The following ACAD10 variants were observed in gnomAD, a reference collection of about 807,000 sequenced individuals.
ACAD10 encodes acyl-CoA dehydrogenase family member 10, also known as ACAD-10.
A neutral mutation model predicts 116.8 loss-of-function variants in ACAD10; 112 were observed. That is an observed-to-expected ratio of 0.96 (90% CI 0.82 to 1.12). ACAD10 has a LOEUF of 1.12. Among genes scored for constraint, ACAD10 ranks in the 50% most tolerant of loss-of-function variants. ACAD10 has a pLI of 0.00. For synonymous variants in ACAD10, 486 were observed against 510.6 expected (o/e 0.95, Z 0.65); for missense variants, 1,259 against 1,350.2 (o/e 0.93, Z 1.06).
intron 11 of ACAD10, among the ~76,000 whole-genome samples, chr12:111,734,415 C>CT (rs1176132941): frequency 6.6e-6 from 1 of 152,140 alleles, no homozygotes; most frequent in Non-Finnish European, 1.5e-5. Context: ...ATCACAAGGT[C>CT]AGGAGTTCCA....
chr12:111,696,034 T>C (rs1888181772), intron 2 of ACAD10, among the ~76,000 whole-genome samples: 1 of 151,002 alleles, frequency 6.6e-6, no homozygotes, highest in African/African-American at 2.4e-5. Flanking sequence ...AAAGTATATA[T>C]ATATATACAC....
Position 111,698,314 on chromosome 12 carries a change from T to C in ACAD10, c.188-3848T>C, listed in dbSNP as rs1194894635. ...CATCTGGCCTTTTTTTTTTTTTTTTTCAGAGAGCATCTTGCTGTATGGCCC... is the reference window on the plus strand; with the variant it reads ...CATCTGGCCTTTTTTTTTTTTTTTTCCAGAGAGCATCTTGCTGTATGGCCC... On this transcript the variant is annotated intron_variant, in intron 2 of 20. Coordinates refer to ENST00000313698, the MANE Select transcript of ACAD10 (RefSeq NM_025247.6). Among the ~76,000 whole-genome samples the C allele has an allele frequency of 6.0e-5, 9 of 149,816 alleles. No individual in the cohort carries two copies. In the East Asian group the frequency reaches 1.6e-3, roughly 26 times the overall value.
At chr12:111,716,461 G>C (rs909863071) in intron 7 of ACAD10, among the ~76,000 whole-genome samples, 1 of 152,184 alleles carries the variant, frequency 6.6e-6, no homozygotes, top group Non-Finnish European at 1.5e-5. Context: ...CATACTTTCA[G>C]ACCTAATAAT....
At chr12:111,754,963 C>T (rs1036100343) in intron 19 of ACAD10, among the ~76,000 whole-genome samples, 1 of 152,238 alleles carries the variant, frequency 6.6e-6, no homozygotes, top group Non-Finnish European at 1.5e-5. Flanking sequence ...TCAAGCCGTA[C>T]ACCAGGCAGG....
At chr12:111,741,443 G>C (rs1299813446) in intron 12 of ACAD10, among the ~76,000 whole-genome samples, 1 of 152,164 alleles carries the variant, frequency 6.6e-6, no homozygotes, top group Admixed American at 6.5e-5. Context: ...AGTGTCCTCA[G>C]CCTGTCTCTC....
chr12:111,737,425 G>T (rs567522051), intron 12 of ACAD10, among the ~76,000 whole-genome samples: 1 of 152,290 alleles, frequency 6.6e-6, no homozygotes, highest in East Asian at 1.9e-4. Context: ...GGCCTCAAGT[G>T]ATCCGTCTGC....
intron 13 of ACAD10, 60 bp downstream of exon 13, chr12:111,745,103 C>T: frequency 6.6e-7 from 1 of 1,526,378 alleles, no homozygotes; most frequent in East Asian, 2.3e-5. Context: ...TCCCCGACCC[C>T]ACCGGGCTCA....
chr12:111,721,698 A>T lies in ACAD10; in HGVS notation c.1020A>T (p.Gly340=). Residue 340 remains glycine (G), a synonymous_variant, in exon 8 of 21, where the codon GGA becomes GGT. Transcript: ENST00000313698. ...FRIMKALANA[G]VPVPNVLDLC... ...TTATGAAAGCCCTTGCAAATGCTGG[A>T]GTACCTGTCCCTAACGTTCTTGATC... 2 of 1,605,224 alleles carry T rather than the reference A, an allele frequency of 1.2e-6. No homozygotes were observed. The highest frequency in any genetic ancestry group is 1.7e-6 in the Non-Finnish European group (2 of 1,173,086).
At chr12:111,729,712 G>A in intron 9 of ACAD10, 94 bp from the exon 10 acceptor site, 1 of 1,469,678 alleles carries the variant, frequency 6.8e-7, no homozygotes, top group Non-Finnish European at 9.3e-7. Context: ...CCAGTGCAGA[G>A]CATGACAAAG....
intron 12 of ACAD10, among the ~76,000 whole-genome samples, chr12:111,737,841 GGTGT>G (rs150399090): frequency 1.1e-3 from 154 of 146,406 alleles, no homozygotes; most frequent in African/African-American, 3.5e-3. Flanking sequence ...CAAATTTCTT[GGTGT>G]GTGTGTGTGT....
chr12:111,689,988 T>TA (rs1161235078), intron 1 of ACAD10, among the ~76,000 whole-genome samples: 1 of 152,224 alleles, frequency 6.6e-6, no homozygotes, highest in African/African-American at 2.4e-5. Context: ...GTGCTGGGAT[T>TA]ACAGGCGTGA....
intron 12 of ACAD10, 123 bp from the exon 13 acceptor site, chr12:111,744,520 T>G: frequency 8.2e-7 from 1 of 1,221,040 alleles, no homozygotes; most frequent in East Asian, 2.3e-5. Context: ...TAGCACAGTG[T>G]TTGGTACTTA....
rs754959582 is a variant in ACAD10 at position 111,709,549 on chromosome 12, G to T, written c.555G>T (p.Gly185=). 6.2e-7 allele frequency: 1 copy of T among 1,607,116 alleles called. No individual in the cohort carries two copies. Reference sequence around the variant, plus strand: ...AGATTGTGGAGTCCTGCATGGAAGGGATCTGTAAGCCAGACCCTAGGATCT... The same window carrying T: ...AGATTGTGGAGTCCTGCATGGAAGGTATCTGTAAGCCAGACCCTAGGATCT... ...FDVIVESCME[G]ICKPDPRIYK... The change falls in exon 5 of 21, where the codon GGG becomes GGT. Residue 185 remains glycine (G), a synonymous_variant. Coordinates refer to ENST00000313698, the MANE Select transcript of ACAD10 (RefSeq NM_025247.6).
chr12:111,709,431 CCTT>C (rs1189444324), intron 4 of ACAD10, 92 bp from the exon 5 acceptor site: 9 of 1,031,124 alleles, frequency 8.7e-6, no homozygotes, highest in Admixed American at 3.2e-5. Flanking sequence ...TCTCAACTGT[CCTT>C]CTTATGCTTT....
intron 2 of ACAD10, among the ~76,000 whole-genome samples, chr12:111,695,869 C>T (rs1045666709): frequency 9.2e-5 from 14 of 151,652 alleles, no homozygotes; most frequent in African/African-American, 2.7e-4. Flanking sequence ...CAAAAATAAG[C>T]GGGGCATGGT....
At position 111,712,783 on chromosome 12, in the gene ACAD10, T is replaced by C. The variant is rs574411258; in HGVS notation, c.850+126T>C. Reference sequence around the variant, plus strand: ...AGCTTTACAGTGAGGAAAATAGCCATTGGGCCTGGTGCATCGGAGCACTGC... The same window carrying C: ...AGCTTTACAGTGAGGAAAATAGCCACTGGGCCTGGTGCATCGGAGCACTGC... On this transcript the variant is annotated intron_variant, in intron 6 of 20. Coordinates refer to ENST00000313698, the MANE Select transcript of ACAD10 (RefSeq NM_025247.6). 5.9e-5 allele frequency: 63 copies of C among 1,071,070 alleles called. No individual in the cohort carries two copies. The South Asian group carries it at 9.0e-4, about 15-fold the overall frequency. 66.3% of individuals were successfully genotyped at this position (1,071,070 alleles called of 1,614,324 possible). A position where few individuals can be genotyped will look rare whatever the true frequency, so the allele number is the denominator to read the frequency against.
intron 11 of ACAD10, 144 bp downstream of exon 11, chr12:111,734,212 G>A: frequency 1.7e-6 from 2 of 1,175,514 alleles, no homozygotes; most frequent in Non-Finnish European, 2.4e-6. Context: ...TAACTAGAAT[G>A]CAGTCCTGTC....
At chr12:111,712,790 T>C (rs1452704274) in intron 6 of ACAD10, 133 bp downstream of exon 6, 3 of 1,011,038 alleles carry the variant, frequency 3.0e-6, no homozygotes, top group African/African-American at 1.6e-5. Context: ...CCATTGGGCC[T>C]GGTGCATCGG....
In ACAD10 at chr12:111,755,762, CAGTT is replaced by C. The variant is rs1345264099; in HGVS notation, c.3039+18_3039+21del. The C allele has an allele frequency of 6.2e-7, 1 of 1,612,194 alleles. No homozygotes were observed. Among genetic ancestry groups the C allele is most frequent in the Non-Finnish European group, 8.5e-7 (1 of 1,178,710 alleles). ...GCGATTCAGGTGAGCACAGACCAGA[CAGTT>C]GGCTTATTTGAACCATCAATACTAG... On this transcript the variant is annotated intron_variant, in intron 20 of 20. Coordinates refer to ENST00000313698, the MANE Select transcript of ACAD10 (RefSeq NM_025247.6).
Sources: gnomAD v4.1 joint callset for allele counts (sites outside exome capture counted in the v4.1 genomes callset) on GRCh38, gnomAD v4.1.1 for gene constraint, MANE v1.5 for transcripts, NCBI Gene and HGNC (gene_info 2026-07-23, HGNC 2026-07-21) for gene names.